Variants in CYRIA observed in about 807,000 individuals in gnomAD.
CYRIA encodes the protein CYFIP related Rac1 interactor A, also known as CYFIP-related Rac1 interactor A.
Under a neutral mutation model 43.9 loss-of-function variants are expected in CYRIA, and 15 were observed. The observed-to-expected ratio is 0.34, with a 90% CI of 0.23 to 0.53. CYRIA has a LOEUF of 0.53. CYRIA is among the 20% of genes least tolerant of loss of function. CYRIA has a pLI of 0.94. For synonymous variants in CYRIA, 117 were observed against 136.0 expected (o/e 0.86, Z 0.97); for missense variants, 236 against 394.2 (o/e 0.60, Z 3.40).
chr2:16,620,365 G>A (rs1668953620), intron 2 of CYRIA, among the ~76,000 whole-genome samples: 1 of 152,198 alleles, frequency 6.6e-6, no homozygotes, highest in African/African-American at 2.4e-5. Flanking sequence ...ACAGCTATCT[G>A]TGTACTAAGA....
At chr2:16,590,677 C>A (rs1395435700) in intron 2 of CYRIA, among the ~76,000 whole-genome samples, 1 of 152,052 alleles carries the variant, frequency 6.6e-6, no homozygotes. Context: ...TGGCTGATAT[C>A]ATCAGATATT....
At chr2:16,662,633 G>A (rs372262933) in intron 1 of CYRIA, among the ~76,000 whole-genome samples, 1 of 152,224 alleles carries the variant, frequency 6.6e-6, no homozygotes, top group Non-Finnish European at 1.5e-5. Context: ...TCAAAACTCA[G>A]TAAGAAAGGC....
At position 16,633,163 on chromosome 2, in the gene CYRIA, T is replaced by C. The variant is rs1289945931; in HGVS notation, c.-166-9144A>G. 2.6e-5 allele frequency among the ~76,000 whole-genome samples: 4 copies of C among 152,202 alleles called. No individual in the cohort carries two copies. In the East Asian group the frequency reaches 5.8e-4, roughly 22 times the overall value. On this transcript the variant is annotated intron_variant, in intron 1 of 11. Coordinates refer to ENST00000381323, the MANE Select transcript of CYRIA (RefSeq NM_030797.4). ...GCCATCCTTTATGTTAACTCCCAGC[T>C]TAAGCCCAAATGTGATTTACTGCAG...
At chr2:16,557,243 CT>C (rs1379694333) in intron 10 of CYRIA, among the ~76,000 whole-genome samples, 2 of 152,228 alleles carry the variant, frequency 1.3e-5, no homozygotes, top group Middle Eastern at 3.4e-3. Flanking sequence ...TCCCTCTGTC[CT>C]TTTGGGATAA....
Position 16,570,659 on chromosome 2 carries a change from C to T in CYRIA, c.71-4892G>A, listed in dbSNP as rs115085114. Among the ~76,000 whole-genome samples, 940 of 152,288 alleles carry T rather than the reference C, an allele frequency of 6.2e-3. 7 individuals carry two copies. Among genetic ancestry groups the T allele is most frequent in the African/African-American group, 0.022 (909 of 41,558 alleles). On this transcript the variant is annotated intron_variant, in intron 3 of 11. Transcript: ENST00000381323. ...GAAAAGGTTACTAAATTTAAGCTAT[C>T]AGCAACCCCTTAAAGCATCTGCTGA... is the stretch of plus-strand genomic sequence containing the variant.
intron 1 of CYRIA, among the ~76,000 whole-genome samples, chr2:16,633,671 G>A (rs563934888): frequency 6.3e-4 from 92 of 144,950 alleles, no homozygotes; most frequent in Admixed American, 9.3e-4. Flanking sequence ...ATGAGCCACC[G>A]CACCCAGCTA....
chr2:16,593,197 C>CTGGGGA (rs1414487886), intron 2 of CYRIA, among the ~76,000 whole-genome samples: 1 of 151,904 alleles, frequency 6.6e-6, no homozygotes, highest in Non-Finnish European at 1.5e-5. Flanking sequence ...GATTAATGTC[C>CTGGGGA]CCAGCATCAT....
At chr2:16,578,236 G>T (rs1385685146) in intron 3 of CYRIA, among the ~76,000 whole-genome samples, 1 of 152,170 alleles carries the variant, frequency 6.6e-6, no homozygotes, top group Admixed American at 6.5e-5. Context: ...AGATTGGATG[G>T]ACTCAACCCC....
intron 2 of CYRIA, among the ~76,000 whole-genome samples, chr2:16,600,461 C>T (rs538277555): frequency 6.6e-6 from 1 of 152,266 alleles, no homozygotes; most frequent in South Asian, 2.1e-4. Context: ...TACTCAATCC[C>T]CAGGGCACTT....
chr2:16,556,415 T>G (rs979395975), intron 10 of CYRIA, among the ~76,000 whole-genome samples: 2 of 152,166 alleles, frequency 1.3e-5, no homozygotes, highest in African/African-American at 2.4e-5. Flanking sequence ...TCTCCCATAG[T>G]TGATTATCAC....
At chr2:16,647,383 C>G (rs1190649059) in intron 1 of CYRIA, among the ~76,000 whole-genome samples, 1 of 152,096 alleles carries the variant, frequency 6.6e-6, no homozygotes, top group Admixed American at 6.6e-5. Flanking sequence ...TCCAAAAGAC[C>G]TTGTCTAAAT....
At chr2:16,652,279 T>C (rs1207634355) in intron 1 of CYRIA, among the ~76,000 whole-genome samples, 1 of 152,176 alleles carries the variant, frequency 6.6e-6, no homozygotes, top group Admixed American at 6.5e-5. Flanking sequence ...ATGAGCTACT[T>C]GTCCCACCTG....
chr2:16,656,152 C>T (rs928855906), intron 1 of CYRIA, among the ~76,000 whole-genome samples: 3 of 152,132 alleles, frequency 2.0e-5, no homozygotes, highest in Admixed American at 2.0e-4. Context: ...CCCCAATGCA[C>T]ATGTACACGC....
chr2:16,609,814 G>A (rs750396128), intron 2 of CYRIA, among the ~76,000 whole-genome samples: 2 of 151,988 alleles, frequency 1.3e-5, no homozygotes, highest in East Asian at 1.9e-4. Flanking sequence ...TATTACAGGG[G>A]AAAAGAGGTT....
intron 1 of CYRIA, among the ~76,000 whole-genome samples, chr2:16,647,925 C>T (rs1669865337): frequency 6.6e-6 from 1 of 152,182 alleles, no homozygotes; most frequent in African/African-American, 2.4e-5. Context: ...TTGGAGCCAC[C>T]ACTACAGTAG....
At chr2:16,563,953 G>T in intron 5 of CYRIA, 36 bp downstream of exon 5, 1 of 1,487,778 alleles carries the variant, frequency 6.7e-7, no homozygotes, top group Non-Finnish European at 9.3e-7. Context: ...ACAGAACTCC[G>T]TATGTGGGCC....
At chr2:16,601,775 T>C (rs1668218442) in intron 2 of CYRIA, among the ~76,000 whole-genome samples, 1 of 152,042 alleles carries the variant, frequency 6.6e-6, no homozygotes, top group South Asian at 2.1e-4. Context: ...TGCAACTCTA[T>C]TTTTGTTTAG....
rs1666231031 is a variant in CYRIA at position 16,549,842 on chromosome 2, AC to A, written c.*3093del. On this transcript the variant is annotated 3_prime_UTR_variant, in exon 12 of 12. Coordinates refer to ENST00000381323, the MANE Select transcript of CYRIA (RefSeq NM_030797.4). The stretch of plus-strand genomic sequence containing the variant: ...GATGATGCATCAGTAACCTCAGTTT[AC>A]CATTAAGGTCTTAATTTAATGGTGA... The A allele has an allele frequency of 6.6e-6, 1 of 152,174 alleles. No individual in the cohort carries two copies. Among genetic ancestry groups the A allele is most frequent in the Admixed American group, 6.6e-5 (1 of 15,266 alleles). The allele number at this position is 152,174 out of a possible 1,614,324, so 9.4% of individuals were successfully genotyped here.
chr2:16,562,947 A>G (rs1484623909), intron 5 of CYRIA, among the ~76,000 whole-genome samples: 1 of 152,164 alleles, frequency 6.6e-6, no homozygotes, highest in Non-Finnish European at 1.5e-5. Flanking sequence ...AATATTTATG[A>G]TTTGGCCCTT....
Sources: gnomAD v4.1 joint callset for allele counts (sites outside exome capture counted in the v4.1 genomes callset) on GRCh38, gnomAD v4.1.1 for gene constraint, MANE v1.5 for transcripts, NCBI Gene and HGNC (gene_info 2026-07-23, HGNC 2026-07-21) for gene names.